Variants in ODF1 observed in about 807,000 individuals in gnomAD.
The protein encoded by ODF1 is outer dense fiber of sperm tails 1.
A neutral mutation model predicts 24.0 loss-of-function variants in ODF1; 10 were observed. The ratio of observed to expected loss-of-function variants is 0.42; its 90% CI spans 0.26 to 0.71. ODF1 has a LOEUF of 0.71. Among genes scored for constraint, ODF1 ranks in the 30% least tolerant of loss-of-function variants. ODF1 has a pLI of 0.28. For synonymous variants in ODF1, 118 were observed against 121.3 expected, an observed-to-expected ratio of 0.97 and a Z score of 0.18; for missense variants, 282 against 307.9, an observed-to-expected ratio of 0.92 and a Z score of 0.63.
chr8:102,556,120 T>A (rs2131030351), intron 1 of ODF1, among the ~76,000 whole-genome samples: 1 of 152,342 alleles, frequency 6.6e-6, no homozygotes, highest in East Asian at 1.9e-4. Flanking sequence ...TTAAGCCTTG[T>A]AACATGGGTG....
In ODF1 at chr8:102,560,599, C is replaced by A. The variant is rs1435841624; in HGVS notation, c.468C>A (p.Asn156Lys). The A allele has an allele frequency of 1.2e-6, 2 of 1,614,220 alleles. No individual in the cohort carries two copies. Among genetic ancestry groups the A allele is most frequent in the Non-Finnish European group, 1.7e-6 (2 of 1,180,044 alleles). ...TATGTGTGTCGGCTGAGCGGGAGAA[C>A]AGGTACGACTGCCTTGGATCGAAAA... Reference protein sequence around the residue: ...GKVCVSAERENRYDCLGSKKY... With the variant: ...GKVCVSAEREKRYDCLGSKKY... Residue 156 changes from asparagine (N) to lysine (K), a missense_variant, in exon 2 of 2, where the codon AAC becomes AAA. Asn to Lys is a moderately conservative substitution (Grantham distance 94, BLOSUM62 0). Transcript: ENST00000285402.
At chr8:102,557,515 A>C (rs1331942606) in intron 1 of ODF1, among the ~76,000 whole-genome samples, 1 of 152,230 alleles carries the variant, frequency 6.6e-6, no homozygotes, top group Non-Finnish European at 1.5e-5. Context: ...AGAATAGAGA[A>C]AAAAGAGGAA....
intron 1 of ODF1, among the ~76,000 whole-genome samples, chr8:102,555,548 T>G (rs935210292): frequency 6.6e-6 from 1 of 152,250 alleles, no homozygotes. Flanking sequence ...AAAATCTGCC[T>G]TCTCATTTCT....
chr8:102,553,211 A>C (rs1826068889), intron 1 of ODF1, among the ~76,000 whole-genome samples: 1 of 142,766 alleles, frequency 7.0e-6, no homozygotes, highest in East Asian at 2.0e-4. Context: ...AAATACAAAA[A>C]AAAAAAAAAA....
Position 102,551,898 on chromosome 8 carries a change from C to G in ODF1, c.171C>G (p.Cys57Trp). ...CDLHPYPYCL[C>W]YSKRSRSCGL... is the part of the protein sequence containing the mutation. Reference sequence around the variant, plus strand: ...TGCACCCATATCCGTACTGCTTGTGCTATTCCAAGCGATCACGCTCTTGCG... The same window carrying G: ...TGCACCCATATCCGTACTGCTTGTGGTATTCCAAGCGATCACGCTCTTGCG... The change falls in exon 1 of 2, where the codon TGC becomes TGG. Residue 57 changes from cysteine (C) to tryptophan (W), a missense_variant. Transcript: ENST00000285402. 6.2e-7 allele frequency: 1 copy of G among 1,614,166 alleles called. No individual in the cohort carries two copies. Among genetic ancestry groups the G allele is most frequent in the Non-Finnish European group, 8.5e-7 (1 of 1,180,044 alleles).
rs373962241 is a variant in ODF1, at chr8:102,560,910, A to G, written c.*26A>G. On this transcript the variant is annotated 3_prime_UTR_variant, in exon 2 of 2. Coordinates refer to ENST00000285402, the MANE Select transcript of ODF1 (RefSeq NM_024410.4). The stretch of plus-strand genomic sequence containing the variant: ...AGTGCGCATAGGAACCCATTACTTA[A>G]TAGAAGTCAGTTACTCCAGCCAGGC... 3.2e-6 allele frequency: 5 copies of G among 1,569,626 alleles called. No homozygotes were observed. In the African/African-American group the frequency reaches 5.4e-5, roughly 17 times the overall value.
rs765481436 is a variant in ODF1 at position 102,560,664 on chromosome 8, C to T, written c.533C>T (p.Pro178Leu). The change falls in exon 2 of 2, where the codon CCG becomes CTG. Residue 178 changes from proline (P) to leucine (L), a missense_variant. Pro to Leu is a moderately conservative substitution (Grantham distance 98). Transcript: ENST00000285402. Reference sequence around the variant, plus strand: ...AACATCTGCAAAGAGTTCAGCTTGCCGCCCTGTGTGGATGAGAAGGATGTA... The same window carrying T: ...AACATCTGCAAAGAGTTCAGCTTGCTGCCCTGTGTGGATGAGAAGGATGTA... ...YMNICKEFSL[P>L]PCVDEKDVTY... The T allele has an allele frequency of 5.1e-5, 82 of 1,614,024 alleles. No individual in the cohort carries two copies. The highest frequency in any genetic ancestry group is 1.6e-4 in the Middle Eastern group (1 of 6,084).
intron 1 of ODF1, among the ~76,000 whole-genome samples, chr8:102,556,526 C>T (rs1459963289): frequency 6.6e-6 from 1 of 152,018 alleles, no homozygotes; most frequent in East Asian, 1.9e-4. Flanking sequence ...CGGCTCACTG[C>T]AACTTCTGCC....
chr8:102,558,532 C>T (rs1826140402), intron 1 of ODF1, among the ~76,000 whole-genome samples: 1 of 152,162 alleles, frequency 6.6e-6, no homozygotes, highest in African/African-American at 2.4e-5. Flanking sequence ...TTTCTGTTTG[C>T]CTCAGTGTCT....
rs1315579134 is a variant in ODF1, at chr8:102,553,204, T to TAAAAA, written c.320+1158_320+1159insAAAAA. On this transcript the variant is annotated intron_variant, in intron 1 of 1. Transcript: ENST00000285402. ...ATGGTGAAACCCCATCTCTACTAAA[T>TAAAAA]ACAAAAAAAAAAAAAAAAAAAAATT... Among the ~76,000 whole-genome samples the TAAAAA allele has an allele frequency of 1.7e-4, 11 of 65,650 alleles. 1 individual carries two copies. The highest frequency in any genetic ancestry group is 2.7e-4 in the Non-Finnish European group (9 of 33,104). 43.1% of individuals were successfully genotyped at this position (65,650 alleles called of 152,430 possible).
chr8:102,554,285 C>A (rs1373478435), intron 1 of ODF1, among the ~76,000 whole-genome samples: 2 of 152,182 alleles, frequency 1.3e-5, no homozygotes, highest in African/African-American at 4.8e-5. Context: ...TTTTTTAAAA[C>A]AATCTTTGGT....
chr8:102,553,997 C>T (rs1309904427), intron 1 of ODF1, among the ~76,000 whole-genome samples: 5 of 148,276 alleles, frequency 3.4e-5, no homozygotes, highest in East Asian at 3.9e-4. Context: ...CAGGCTTGTC[C>T]GCTTTATCTC....
At chr8:102,559,994 ATAAT>A (rs1826157695) in intron 1 of ODF1, among the ~76,000 whole-genome samples, 1 of 151,352 alleles carries the variant, frequency 6.6e-6, no homozygotes, top group Admixed American at 6.6e-5. Flanking sequence ...GAGAGTGGTA[ATAAT>A]TAAGCAGGAT....
chr8:102,552,438 G>T (rs1356862009), intron 1 of ODF1, among the ~76,000 whole-genome samples: 2 of 152,122 alleles, frequency 1.3e-5, no homozygotes, highest in African/African-American at 4.8e-5. Context: ...GACTACAGGA[G>T]AAGTAATAAT....
chr8:102,560,019 C>T (rs4734641), intron 1 of ODF1, among the ~76,000 whole-genome samples: 121,709 of 151,056 alleles, frequency 0.81, 49,519 homozygotes, highest in South Asian at 0.86. Context: ...TTATAATGTA[C>T]GAAGCACAGT....
intron 1 of ODF1, among the ~76,000 whole-genome samples, chr8:102,559,110 T>C (rs1826148144): frequency 6.7e-6 from 1 of 149,920 alleles, no homozygotes; most frequent in Non-Finnish European, 1.5e-5. Flanking sequence ...TTATTGTAAA[T>C]ATTTTCTTGC....
intron 1 of ODF1, among the ~76,000 whole-genome samples, chr8:102,557,044 T>C (rs555406650): frequency 1.6e-4 from 24 of 152,278 alleles, no homozygotes; most frequent in Non-Finnish European, 3.2e-4. Flanking sequence ...AGTTTGGTTG[T>C]ACATCCGGGT....
At chr8:102,553,204 T>A (rs558725996) in intron 1 of ODF1, among the ~76,000 whole-genome samples, 220 of 65,514 alleles carry the variant, frequency 3.4e-3, no homozygotes, top group East Asian at 5.3e-3. Flanking sequence ...CTCTACTAAA[T>A]ACAAAAAAAA....
At chr8:102,555,174 G>A (rs1451895349) in intron 1 of ODF1, among the ~76,000 whole-genome samples, 1 of 152,110 alleles carries the variant, frequency 6.6e-6, no homozygotes. Flanking sequence ...GGGCTGAGGG[G>A]ACTGCATTGG....
Sources: allele counts gnomAD v4.1 joint callset (sites outside exome capture counted in the v4.1 genomes callset), GRCh38; gene constraint gnomAD v4.1.1; transcripts MANE v1.5; gene names NCBI Gene and HGNC (gene_info 2026-07-23, HGNC 2026-07-21).